The following VCAN variants were observed in gnomAD, a reference collection of about 807,000 sequenced individuals.
The protein encoded by VCAN is versican.
A neutral mutation model predicts 245.5 loss-of-function variants in VCAN; 44 were observed. That is an observed-to-expected ratio of 0.18 (90% CI 0.14 to 0.23). VCAN has a LOEUF of 0.23. VCAN is among the 10% of genes least tolerant of loss of function. The pLI, the probability that VCAN is intolerant of heterozygous loss-of-function variation, is 1.00. For missense variants in VCAN, 3,793 were observed against 4,057.9 expected (o/e 0.93, Z 1.77); for synonymous variants, 1,413 against 1,437.0 (o/e 0.98, Z 0.38).
rs1247444864 is a variant in VCAN at position 83,539,285 on chromosome 5, A to T, written c.6282A>T (p.Pro2094=). ...VSTNFPQTIE[P]AKLWSRQEVN... The stretch of plus-strand genomic sequence containing the variant: ...CAAACTTTCCCCAAACTATAGAGCC[A>T]GCCAAATTATGGTCTAGGCAAGAAG... Residue 2094 remains proline, a synonymous_variant, in exon 8 of 15, where the codon CCA becomes CCT. Coordinates refer to ENST00000265077, the MANE Select transcript of VCAN (RefSeq NM_004385.5). The T allele has an allele frequency of 1.2e-6, 2 of 1,614,000 alleles. No homozygotes were observed. Among genetic ancestry groups the T allele is most frequent in the African/African-American group, 2.7e-5 (2 of 74,940 alleles).
chr5:83,498,800 A>G (rs1204192969), intron 5 of VCAN, among the ~76,000 whole-genome samples: 4 of 152,186 alleles, frequency 2.6e-5, no homozygotes, highest in African/African-American at 7.2e-5. Context: ...AGTCCCCATC[A>G]CTTTAAGAGT....
chr5:83,548,181 A>G, intron 10 of VCAN, 97 bp downstream of exon 10: 1 of 894,432 alleles, frequency 1.1e-6, no homozygotes, highest in East Asian at 2.5e-5. Flanking sequence ...GGAAATTCAC[A>G]TTTCCTTAGG....
intron 2 of VCAN, among the ~76,000 whole-genome samples, chr5:83,487,090 T>G (rs1423928376): frequency 3.3e-5 from 5 of 152,212 alleles, no homozygotes; most frequent in African/African-American, 1.2e-4. Context: ...TCCTAATCGT[T>G]GATTATCTAC....
At chr5:83,523,732 T>C (rs572910628) in intron 7 of VCAN, among the ~76,000 whole-genome samples, 29 of 152,262 alleles carry the variant, frequency 1.9e-4, no homozygotes, top group African/African-American at 6.5e-4. Flanking sequence ...GATTTGATCA[T>C]GATTTTCTTG....
chr5:83,551,237 G>A (rs560240607), intron 10 of VCAN, among the ~76,000 whole-genome samples: 12 of 152,034 alleles, frequency 7.9e-5, no homozygotes, highest in Non-Finnish European at 1.6e-4. Context: ...GGGGCTGGGT[G>A]CGATAGCTCA....
chr5:83,524,847 AC>A (rs930839399), intron 7 of VCAN, among the ~76,000 whole-genome samples: 16 of 152,162 alleles, frequency 1.1e-4, no homozygotes, highest in African/African-American at 3.1e-4. Context: ...TGGAGAACCA[AC>A]CTTTTTATGT....
Position 83,519,612 on chromosome 5 carries a change from A to G in VCAN, c.1306A>G (p.Met436Val), listed in dbSNP as rs767001003. ...PTGSTKKPWD[M>V]DDYSPSASGP... ...TGGCAGTACCAAGAAGCCCTGGGAT[A>G]TGGATGACTACTCACCTTCTGCTTC... The change falls in exon 7 of 15, where the codon ATG (methionine) becomes GTG (valine). Residue 436 changes from methionine to valine, a missense_variant. Coordinates refer to ENST00000265077, the MANE Select transcript of VCAN (RefSeq NM_004385.5). 1.2e-6 allele frequency: 2 copies of G among 1,614,156 alleles called. No homozygotes were observed. Among genetic ancestry groups the G allele is most frequent in the Non-Finnish European group, 1.7e-6 (2 of 1,179,992 alleles).
intron 2 of VCAN, among the ~76,000 whole-genome samples, chr5:83,484,543 CCATCCATCCATT>C (rs1744730431): frequency 1.3e-5 from 2 of 151,030 alleles, no homozygotes; most frequent in African/African-American, 5.0e-5. Context: ...ATCCATCCAT[CCATCCATCCATT>C]CATCCATCCA....
chr5:83,475,154 C>T (rs1744341067), intron 1 of VCAN, among the ~76,000 whole-genome samples: 1 of 152,154 alleles, frequency 6.6e-6, no homozygotes, highest in African/African-American at 2.4e-5. Flanking sequence ...CATGGAAGGG[C>T]TGCGAGTGTA....
intron 13 of VCAN, among the ~76,000 whole-genome samples, chr5:83,572,820 GA>G (rs1476262237): frequency 6.6e-6 from 1 of 151,834 alleles, no homozygotes. Context: ...ATATCTTTAA[GA>G]AGAACAACTG....
At chr5:83,557,390 A>G (rs310528) in intron 12 of VCAN, among the ~76,000 whole-genome samples, 119,669 of 152,026 alleles carry the variant, frequency 0.79, 47,585 homozygotes, top group African/African-American at 0.88. Context: ...TGGTGTCTGA[A>G]ATAAAGTGTT....
chr5:83,547,697 C>A (rs1435136414), intron 9 of VCAN, among the ~76,000 whole-genome samples: 2 of 152,050 alleles, frequency 1.3e-5, no homozygotes, highest in African/African-American at 4.8e-5. Context: ...ACTCTGAATA[C>A]CTTTGACATT....
intron 7 of VCAN, among the ~76,000 whole-genome samples, chr5:83,533,805 T>C (rs1746607716): frequency 6.6e-6 from 1 of 152,098 alleles, no homozygotes; most frequent in South Asian, 2.1e-4. Context: ...TCCTTATAGA[T>C]CTATGAGCAA....
intron 7 of VCAN, among the ~76,000 whole-genome samples, chr5:83,524,288 G>C (rs1380787456): frequency 6.6e-6 from 1 of 152,140 alleles, no homozygotes; most frequent in African/African-American, 2.4e-5. Flanking sequence ...ACTTGATTCA[G>C]CTAGACCTGG....
chr5:83,476,307 G>A (rs1744388293), intron 1 of VCAN, among the ~76,000 whole-genome samples: 1 of 152,192 alleles, frequency 6.6e-6, no homozygotes, highest in South Asian at 2.1e-4. Flanking sequence ...ACAAACATCG[G>A]TAAACACTGT....
chr5:83,567,521 C>T (rs1038615286), intron 12 of VCAN, among the ~76,000 whole-genome samples: 6 of 152,002 alleles, frequency 3.9e-5, no homozygotes, highest in East Asian at 1.9e-4. Context: ...AGGCTGGTCT[C>T]GAACTCCTGA....
chr5:83,510,164 G>T (rs890362353), intron 5 of VCAN, among the ~76,000 whole-genome samples: 5 of 152,148 alleles, frequency 3.3e-5, no homozygotes, highest in Admixed American at 2.6e-4. Flanking sequence ...AAAAAGCTAT[G>T]TACACCTCTA....
Position 83,580,596 on chromosome 5 carries a change from T to C in VCAN, c.*162T>C. ...GCTCCCAAAACATTTTAAATGAAAGTATTGGCATTCAAAAAGACAGCAGAC... is the reference window on the plus strand; with the variant it reads ...GCTCCCAAAACATTTTAAATGAAAGCATTGGCATTCAAAAAGACAGCAGAC... On this transcript the variant is annotated 3_prime_UTR_variant, in exon 15 of 15. Transcript: ENST00000265077. The C allele has an allele frequency of 1.9e-6, 2 of 1,028,650 alleles. No homozygotes were observed. The highest frequency in any genetic ancestry group is 2.2e-5 in the Admixed American group (1 of 46,298). 63.7% of individuals were successfully genotyped at this position (1,028,650 alleles called of 1,614,324 possible).
intron 1 of VCAN, among the ~76,000 whole-genome samples, chr5:83,473,220 C>G (rs1291755943): frequency 6.6e-6 from 1 of 152,182 alleles, no homozygotes; most frequent in African/African-American, 2.4e-5. Flanking sequence ...CCGGGTTGTT[C>G]TGGCCCGCGG....
Sources: gnomAD v4.1 joint callset for allele counts (sites outside exome capture counted in the v4.1 genomes callset) on GRCh38, gnomAD v4.1.1 for gene constraint, MANE v1.5 for transcripts, NCBI Gene and HGNC (gene_info 2026-07-23, HGNC 2026-07-21) for gene names.